Variants in NBAS observed in about 807,000 individuals in gnomAD.
NBAS encodes NBAS subunit of NRZ tethering complex.
NBAS carries 219 observed loss-of-function variants against 302.5 expected under a neutral mutation model. The ratio of observed to expected loss-of-function variants is 0.72; its 90% CI spans 0.65 to 0.81. The LOEUF (loss-of-function observed/expected upper bound fraction) is 0.81. Ranked by LOEUF, NBAS falls within the 30% of genes least tolerant of loss-of-function variation. NBAS has a pLI of 0.00. For missense variants in NBAS, 2,932 were observed against 2,841.6 expected (o/e 1.03, Z -0.72); for synonymous variants, 1,118 against 1,021.6 (o/e 1.09, Z -1.80).
chr2:14,786,657 T>A, the NBAS span, among the ~76,000 whole-genome samples: 2 of 152,216 alleles, frequency 1.3e-5, no homozygotes, highest in Non-Finnish European at 2.9e-5. Flanking sequence ...AATCCTGAGT[T>A]CTAGTTTGAT....
chr2:14,780,810 T>C, the NBAS span, among the ~76,000 whole-genome samples: 1 of 152,246 alleles, frequency 6.6e-6, no homozygotes, highest in East Asian at 1.9e-4. Context: ...GTTTTATACA[T>C]CTGTTTCCTC....
chr2:14,923,681 T>C, the NBAS span, among the ~76,000 whole-genome samples: 1 of 152,088 alleles, frequency 6.6e-6, no homozygotes, highest in Non-Finnish European at 1.5e-5. Context: ...ATGAAAGAGA[T>C]GGGGATTCCT....
chr2:15,102,431 C>A, the NBAS span, among the ~76,000 whole-genome samples: 2 of 152,284 alleles, frequency 1.3e-5, 1 homozygote, highest in African/African-American at 4.8e-5. Flanking sequence ...AAGTTATATT[C>A]ATATATTCAT....
the NBAS span, among the ~76,000 whole-genome samples, chr2:14,926,083 G>A: frequency 5.9e-5 from 9 of 152,146 alleles, no homozygotes; most frequent in Non-Finnish European, 1.2e-4. Flanking sequence ...AAACTTCCCT[G>A]TGCTTAAGAA....
chr2:15,534,730 G>A, intron 8 of NBAS, 89 bp from the exon 9 acceptor site: 2 of 993,318 alleles, frequency 2.0e-6, no homozygotes, highest in Admixed American at 3.4e-5. Context: ...GAATTTAAAA[G>A]ACAGACAATA....
At chr2:15,513,159 C>T (rs1186592026) in intron 9 of NBAS, among the ~76,000 whole-genome samples, 1 of 152,198 alleles carries the variant, frequency 6.6e-6, no homozygotes, top group Non-Finnish European at 1.5e-5. Flanking sequence ...CACAGAAACA[C>T]AGCTTGGGCC....
At chr2:15,005,502 C>T in the NBAS span, among the ~76,000 whole-genome samples, 1 of 152,236 alleles carries the variant, frequency 6.6e-6, no homozygotes, top group South Asian at 2.1e-4. Context: ...GGTTAAGTGA[C>T]TGCCCCAGGC....
At chr2:14,822,517 T>C in the NBAS span, among the ~76,000 whole-genome samples, 1 of 152,178 alleles carries the variant, frequency 6.6e-6, no homozygotes, top group East Asian at 1.9e-4. Flanking sequence ...GGCTTTTGTA[T>C]ACATTTCAGA....
the NBAS span, among the ~76,000 whole-genome samples, chr2:14,941,889 G>A: frequency 6.6e-6 from 1 of 152,110 alleles, no homozygotes; most frequent in East Asian, 1.9e-4. Flanking sequence ...AGAAAGAGGG[G>A]GAGGCTCTCT....
the NBAS span, among the ~76,000 whole-genome samples, chr2:14,889,404 C>T: frequency 2.6e-5 from 4 of 152,148 alleles, no homozygotes; most frequent in Non-Finnish European, 5.9e-5. Context: ...CAACTGACTC[C>T]ACACTTCTGT....
chr2:15,371,548 T>G (rs1674486047), intron 31 of NBAS, among the ~76,000 whole-genome samples: 1 of 152,222 alleles, frequency 6.6e-6, no homozygotes, highest in African/African-American at 2.4e-5. Flanking sequence ...TTTATTATTA[T>G]CCCAATCTGA....
At chr2:15,455,222 G>A (rs1205530034) in intron 21 of NBAS, among the ~76,000 whole-genome samples, 1 of 152,044 alleles carries the variant, frequency 6.6e-6, no homozygotes, top group African/African-American at 2.4e-5. Context: ...ATTTTTGTTA[G>A]GTTACTAAAT....
intron 21 of NBAS, among the ~76,000 whole-genome samples, chr2:15,431,191 A>G (rs532361395): frequency 6.6e-6 from 1 of 152,330 alleles, no homozygotes; most frequent in East Asian, 1.9e-4. Flanking sequence ...AGATACATTT[A>G]AACTAAGATA....
rs773523818 is a variant in NBAS, at chr2:15,467,356, G to A, written c.2070C>T (p.Thr690=). 4 of 1,613,406 alleles carry A rather than the reference G, an allele frequency of 2.5e-6. No individual in the cohort carries two copies. The highest frequency in any genetic ancestry group is 3.4e-6 in the Non-Finnish European group (4 of 1,179,524). The change falls in exon 19 of 52, where the codon ACC becomes ACT. Residue 690 remains threonine (T), a synonymous_variant. Transcript: ENST00000281513. ...ELCRCRRKLL[T]YLDRLATYEE... is the part of the protein sequence containing the mutation. ...CATATGTTGCAAGTCGATCTAAGTA[G>A]GTTAATAACTTCCGTCTACAACGGC...
At chr2:15,019,794 C>T in the NBAS span, among the ~76,000 whole-genome samples, 3 of 152,172 alleles carry the variant, frequency 2.0e-5, no homozygotes, top group East Asian at 5.8e-4. Context: ...TCTCCTTCCA[C>T]CATATGATGA....
At chr2:15,037,796 T>C in the NBAS span, among the ~76,000 whole-genome samples, 1 of 152,160 alleles carries the variant, frequency 6.6e-6, no homozygotes, top group South Asian at 2.1e-4. Context: ...TGATTTGCTA[T>C]ACTTATTTAC....
chr2:15,390,943 T>C (rs536322560), intron 28 of NBAS, among the ~76,000 whole-genome samples: 1 of 152,026 alleles, frequency 6.6e-6, no homozygotes, highest in East Asian at 1.9e-4. Flanking sequence ...TGAAACCCCG[T>C]CTCTACTAAG....
the NBAS span, among the ~76,000 whole-genome samples, chr2:14,925,752 T>C: frequency 6.6e-6 from 1 of 152,240 alleles, no homozygotes; most frequent in Non-Finnish European, 1.5e-5. Context: ...TAGATGTATA[T>C]GTTTTTGTCT....
At chr2:15,485,100 T>C (rs1181377836) in intron 12 of NBAS, among the ~76,000 whole-genome samples, 1 of 152,028 alleles carries the variant, frequency 6.6e-6, no homozygotes, top group East Asian at 1.9e-4. Flanking sequence ...TAGATATCTA[T>C]TAGAAAGCTA....
Sources: gnomAD v4.1 joint callset for allele counts (sites outside exome capture counted in the v4.1 genomes callset) on GRCh38, gnomAD v4.1.1 for gene constraint, MANE v1.5 for transcripts, NCBI Gene and HGNC (gene_info 2026-07-23, HGNC 2026-07-21) for gene names.